Variants in NKAIN3 observed in about 807,000 individuals in gnomAD.
The protein encoded by NKAIN3 is sodium/potassium transporting ATPase interacting 3.
Under a neutral mutation model 30.2 loss-of-function variants are expected in NKAIN3, and 25 were observed. The observed-to-expected ratio is 0.83, with a 90% CI of 0.60 to 1.16. NKAIN3 has a LOEUF of 1.16. Ranked by LOEUF, NKAIN3 falls within the 50% of genes most tolerant of loss-of-function variation. The pLI is 0.00. For synonymous variants in NKAIN3, 91 were observed against 89.6 expected (o/e 1.02, Z -0.09); for missense variants, 225 against 254.1 (o/e 0.89, Z 0.78).
At chr8:62,869,607 G>A (rs539516176) in intron 4 of NKAIN3, among the ~76,000 whole-genome samples, 8 of 152,254 alleles carry the variant, frequency 5.3e-5, no homozygotes, top group African/African-American at 1.7e-4. Context: ...CTCTCAGTGC[G>A]GCTAAAACAA....
At chr8:62,612,178 T>G (rs755149350) in intron 3 of NKAIN3, among the ~76,000 whole-genome samples, 30 of 152,094 alleles carry the variant, frequency 2.0e-4, no homozygotes, top group Non-Finnish European at 3.5e-4. Context: ...CCTTATATAT[T>G]CTGGTGATTA....
chr8:62,653,880 C>A (rs1249899899), intron 3 of NKAIN3, among the ~76,000 whole-genome samples: 1 of 151,950 alleles, frequency 6.6e-6, no homozygotes, highest in African/African-American at 2.4e-5. Flanking sequence ...ATATAGTCAC[C>A]CTAGAGAGAA....
At chr8:62,322,054 G>T (rs1252199174) in intron 1 of NKAIN3, among the ~76,000 whole-genome samples, 4 of 152,160 alleles carry the variant, frequency 2.6e-5, no homozygotes, top group Non-Finnish European at 4.4e-5. Flanking sequence ...CAGCCTCGCT[G>T]CCGCCTTGCA....
intron 4 of NKAIN3, among the ~76,000 whole-genome samples, chr8:62,897,313 A>G (rs1322760584): frequency 2.0e-5 from 3 of 152,198 alleles, no homozygotes; most frequent in African/African-American, 7.2e-5. Flanking sequence ...GAGGACTTTC[A>G]TAGAATCAAA....
At chr8:62,812,281 T>TC (rs1818512012) in intron 4 of NKAIN3, among the ~76,000 whole-genome samples, 1 of 151,918 alleles carries the variant, frequency 6.6e-6, no homozygotes, top group Non-Finnish European at 1.5e-5. Context: ...TCTTTCCACT[T>TC]TATTTTTTTG....
intron 4 of NKAIN3, among the ~76,000 whole-genome samples, chr8:62,879,597 T>C (rs547941890): frequency 6.6e-6 from 1 of 152,184 alleles, no homozygotes; most frequent in African/African-American, 2.4e-5. Flanking sequence ...ACAGGAGGCA[T>C]GCATGAGCAC....
intron 4 of NKAIN3, among the ~76,000 whole-genome samples, chr8:62,874,122 T>C (rs941844268): frequency 6.6e-6 from 1 of 151,526 alleles, no homozygotes; most frequent in African/African-American, 2.4e-5. Flanking sequence ...AAGAATCAAA[T>C]AGACACAATA....
chr8:62,779,431 C>T (rs149221591), intron 4 of NKAIN3, among the ~76,000 whole-genome samples: 2 of 152,220 alleles, frequency 1.3e-5, no homozygotes, highest in South Asian at 2.1e-4. Context: ...GTTATAAATG[C>T]TCCCTACATG....
At chr8:62,385,296 G>C (rs543197531) in intron 1 of NKAIN3, among the ~76,000 whole-genome samples, 1 of 152,110 alleles carries the variant, frequency 6.6e-6, no homozygotes, top group Non-Finnish European at 1.5e-5. Context: ...TAACCCTGGA[G>C]GGTACAACTC....
chr8:62,681,671 A>G (rs1478648571), intron 3 of NKAIN3, among the ~76,000 whole-genome samples: 1 of 152,222 alleles, frequency 6.6e-6, no homozygotes, highest in Non-Finnish European at 1.5e-5. Context: ...AAATAAGTTT[A>G]TGTATATAAA....
intron 5 of NKAIN3, among the ~76,000 whole-genome samples, chr8:62,940,068 T>C (rs1430388242): frequency 6.6e-6 from 1 of 151,676 alleles, no homozygotes; most frequent in African/African-American, 2.4e-5. Flanking sequence ...TGGGAAAAGA[T>C]ATTCCATGTA....
intron 1 of NKAIN3, among the ~76,000 whole-genome samples, chr8:62,327,949 A>AT (rs1815200033): frequency 6.6e-6 from 1 of 152,032 alleles, no homozygotes; most frequent in Non-Finnish European, 1.5e-5. Flanking sequence ...TTTTAAAATT[A>AT]TTTTTAGCAA....
chr8:62,903,734 T>C (rs1205526747), intron 4 of NKAIN3, among the ~76,000 whole-genome samples: 2 of 152,122 alleles, frequency 1.3e-5, no homozygotes, highest in Non-Finnish European at 2.9e-5. Flanking sequence ...AGGAAAGTGG[T>C]TTAATTGACT....
intron 4 of NKAIN3, among the ~76,000 whole-genome samples, chr8:62,829,211 A>T (rs1416455486): frequency 1.3e-5 from 2 of 152,214 alleles, no homozygotes; most frequent in Non-Finnish European, 2.9e-5. Context: ...TAGTGTGTCA[A>T]CCTCAGCAAC....
At chr8:62,752,741 A>T (rs1816326988) in intron 4 of NKAIN3, among the ~76,000 whole-genome samples, 1 of 152,164 alleles carries the variant, frequency 6.6e-6, no homozygotes, top group Non-Finnish European at 1.5e-5. Context: ...CCACTCTTTC[A>T]TAGTTATTGA....
intron 5 of NKAIN3, chr8:62,990,267 T>C: frequency 1.3e-6 from 2 of 1,513,170 alleles, no homozygotes; most frequent in Non-Finnish European, 1.8e-6. Context: ...AATTGTCACA[T>C]CAGTCAAGCC....
chr8:62,790,605 G>T (rs1201719104), intron 4 of NKAIN3, among the ~76,000 whole-genome samples: 1 of 149,960 alleles, frequency 6.7e-6, no homozygotes, highest in Non-Finnish European at 1.5e-5. Flanking sequence ...GTGTGTGTCT[G>T]TCTGTGTGTA....
intron 1 of NKAIN3, among the ~76,000 whole-genome samples, chr8:62,457,975 T>A (rs1020620370): frequency 3.3e-5 from 5 of 152,196 alleles, no homozygotes; most frequent in African/African-American, 1.2e-4. Context: ...TGATTTTCTG[T>A]CTCTTTTATT....
At chr8:62,748,070 C>CA (rs1435231709) in intron 4 of NKAIN3, among the ~76,000 whole-genome samples, 2 of 152,146 alleles carry the variant, frequency 1.3e-5, no homozygotes, top group Non-Finnish European at 2.9e-5. Context: ...CAAACCACTC[C>CA]AAAATGCAAT....
Sources: gnomAD v4.1 joint callset for allele counts (sites outside exome capture counted in the v4.1 genomes callset) on GRCh38, gnomAD v4.1.1 for gene constraint, MANE v1.5 for transcripts, NCBI Gene and HGNC (gene_info 2026-07-23, HGNC 2026-07-21) for gene names.